The following CADM1 variants were observed in gnomAD, a reference collection of about 807,000 sequenced individuals.
CADM1 encodes the protein cell adhesion molecule 1, also known as TSLC-1.
Under a neutral mutation model 53.1 loss-of-function variants are expected in CADM1, and 15 were observed. The ratio of observed to expected loss-of-function variants is 0.28; its 90% CI spans 0.19 to 0.44. The LOEUF is 0.44. CADM1 is among the 20% of genes least tolerant of loss of function. The pLI, the probability that CADM1 is intolerant of heterozygous loss-of-function variation, is 1.00. For synonymous variants in CADM1, 281 were observed against 243.0 expected, an observed-to-expected ratio of 1.16 and a Z score of -1.45; for missense variants, 434 against 611.3, an observed-to-expected ratio of 0.71 and a Z score of 3.06.
chr11:115,403,401 A>T (rs901393057), intron 1 of CADM1, among the ~76,000 whole-genome samples: 1 of 152,232 alleles, frequency 6.6e-6, no homozygotes, highest in Non-Finnish European at 1.5e-5. Flanking sequence ...AGAACAACTA[A>T]GAAAATTTGA....
chr11:115,292,541 T>C (rs1565347517), intron 1 of CADM1, among the ~76,000 whole-genome samples: 1 of 152,202 alleles, frequency 6.6e-6, no homozygotes, highest in Non-Finnish European at 1.5e-5. Context: ...GCTCAGAACA[T>C]TTCAAATTAG....
chr11:115,394,153 G>A (rs762296284), intron 1 of CADM1, among the ~76,000 whole-genome samples: 12 of 152,100 alleles, frequency 7.9e-5, no homozygotes, highest in Non-Finnish European at 1.5e-4. Context: ...AAATCTACAA[G>A]GCAGTGTCAA....
At position 115,222,399 on chromosome 11, in the gene CADM1, G is replaced by C. The variant is rs1457134158; in HGVS notation, c.722-4408C>G. On this transcript the variant is annotated intron_variant, in intron 5 of 11. Coordinates refer to ENST00000331581, the MANE Select transcript of CADM1 (RefSeq NM_001301043.2). The stretch of plus-strand genomic sequence containing the variant: ...GGGGAGGACAGCTTTGCAACTAAAG[G>C]AGGGCAATGTCTAGCAATGCCAGGT... Among the ~76,000 whole-genome samples the C allele has an allele frequency of 3.9e-5, 6 of 152,100 alleles. No homozygotes were observed. In the East Asian group the frequency reaches 9.6e-4, roughly 24 times the overall value.
chr11:115,233,044 T>C (rs1941879063), intron 3 of CADM1, among the ~76,000 whole-genome samples: 1 of 152,248 alleles, frequency 6.6e-6, no homozygotes, highest in Non-Finnish European at 1.5e-5. Context: ...ACTTTTACAC[T>C]GAATTGGAGC....
chr11:115,427,322 A>G (rs1187780024), intron 1 of CADM1, among the ~76,000 whole-genome samples: 2 of 152,244 alleles, frequency 1.3e-5, no homozygotes, highest in African/African-American at 4.8e-5. Flanking sequence ...TGTGCTGAAG[A>G]AAAAACAAGG....
chr11:115,466,013 G>A (rs771324992), intron 1 of CADM1, among the ~76,000 whole-genome samples: 26 of 152,082 alleles, frequency 1.7e-4, no homozygotes, highest in Non-Finnish European at 2.5e-4. Flanking sequence ...CTCCAGCAAT[G>A]TGACTATGAT....
chr11:115,293,357 C>T (rs932564213), intron 1 of CADM1, among the ~76,000 whole-genome samples: 3 of 152,070 alleles, frequency 2.0e-5, no homozygotes, highest in East Asian at 1.9e-4. Context: ...GGCGTGAACC[C>T]GGCAGGCGGA....
intron 1 of CADM1, among the ~76,000 whole-genome samples, chr11:115,422,604 C>A (rs968176620): frequency 2.0e-5 from 3 of 152,194 alleles, no homozygotes; most frequent in Non-Finnish European, 4.4e-5. Context: ...TTTGTTATCT[C>A]ATCCTCTTAG....
At chr11:115,439,181 T>A (rs1238251188) in intron 1 of CADM1, among the ~76,000 whole-genome samples, 21 of 142,160 alleles carry the variant, frequency 1.5e-4, no homozygotes, top group Non-Finnish European at 1.6e-5. Flanking sequence ...AAGTAAAGGC[T>A]AACCAGGTAT....
chr11:115,273,787 T>C (rs1292035477), intron 1 of CADM1, among the ~76,000 whole-genome samples: 5 of 152,218 alleles, frequency 3.3e-5, no homozygotes, highest in Admixed American at 6.5e-5. Flanking sequence ...TTTACAGTTA[T>C]AAACTCATCA....
intron 1 of CADM1, among the ~76,000 whole-genome samples, chr11:115,389,892 ACCT>A (rs1946791156): frequency 6.6e-6 from 1 of 152,184 alleles, no homozygotes; most frequent in Non-Finnish European, 1.5e-5. Context: ...CTTCAGGAAC[ACCT>A]GTTATGTAAG....
intron 1 of CADM1, among the ~76,000 whole-genome samples, chr11:115,271,814 T>G (rs989301468): frequency 2.0e-5 from 3 of 152,222 alleles, no homozygotes; most frequent in African/African-American, 7.2e-5. Context: ...GTATAAACAC[T>G]ACATGTGCTT....
intron 9 of CADM1, among the ~76,000 whole-genome samples, chr11:115,197,147 T>C (rs1052133489): frequency 6.6e-6 from 1 of 152,166 alleles, no homozygotes; most frequent in Non-Finnish European, 1.5e-5. Flanking sequence ...GAATTCGTCA[T>C]AGGAAAGTCA....
chr11:115,187,459 C>T (rs570972225), intron 10 of CADM1, among the ~76,000 whole-genome samples: 4 of 152,274 alleles, frequency 2.6e-5, no homozygotes, highest in African/African-American at 9.6e-5. Context: ...GATGGAGTCT[C>T]TTTCTGTTGC....
chr11:115,318,684 G>GCA (rs1944740308), intron 1 of CADM1, among the ~76,000 whole-genome samples: 1 of 152,148 alleles, frequency 6.6e-6, no homozygotes, highest in African/African-American at 2.4e-5. Context: ...TACGGGAATG[G>GCA]AAATGGAGGG....
chr11:115,341,367 A>G (rs983977447), intron 1 of CADM1, among the ~76,000 whole-genome samples: 10 of 152,222 alleles, frequency 6.6e-5, no homozygotes, highest in Non-Finnish European at 1.0e-4. Flanking sequence ...ATTAGTAATG[A>G]CAACTACCTT....
chr11:115,303,033 G>C (rs1013131346), intron 1 of CADM1, among the ~76,000 whole-genome samples: 1 of 152,112 alleles, frequency 6.6e-6, no homozygotes, highest in African/African-American at 2.4e-5. Flanking sequence ...TTGATGAGCA[G>C]AGTGTATGCT....
chr11:115,269,591 T>A, intron 1 of CADM1, among the ~76,000 whole-genome samples: 1 of 152,168 alleles, frequency 6.6e-6, no homozygotes, highest in Admixed American at 6.5e-5. Context: ...CCATACACCA[T>A]ACGTGATTCA....
chr11:115,186,625 T>C (rs1370046171), intron 10 of CADM1, among the ~76,000 whole-genome samples: 1 of 152,162 alleles, frequency 6.6e-6, no homozygotes, highest in Non-Finnish European at 1.5e-5. Flanking sequence ...TGGGTCCCAG[T>C]TTCCTCATTT....
Sources: gnomAD v4.1 joint callset for allele counts (sites outside exome capture counted in the v4.1 genomes callset) on GRCh38, gnomAD v4.1.1 for gene constraint, MANE v1.5 for transcripts, NCBI Gene and HGNC (gene_info 2026-07-23, HGNC 2026-07-21) for gene names.